SPTA1: variants seen among roughly 807,000 people sequenced by gnomAD.
SPTA1 encodes the protein spectrin alpha chain, erythrocytic 1.
Under a neutral mutation model 324.7 loss-of-function variants are expected in SPTA1, and 177 were observed. That is an observed-to-expected ratio of 0.55 (90% CI 0.48 to 0.62). The LOEUF is 0.62. SPTA1 is among the 20% of genes least tolerant of loss of function. SPTA1 has a pLI of 0.00. For synonymous variants in SPTA1, 1,195 were observed against 1,041.3 expected (o/e 1.15, Z -2.84); for missense variants, 3,162 against 2,883.6 (o/e 1.10, Z -2.21).
chr1:158,642,050 A>G (rs150077069), intron 33 of SPTA1, among the ~76,000 whole-genome samples: 1 of 152,294 alleles, frequency 6.6e-6, no homozygotes, highest in African/African-American at 2.4e-5. Context: ...TCAGCAAAGT[A>G]TCACAAGGAC....
At chr1:158,656,469 T>C in intron 20 of SPTA1, 95 bp downstream of exon 20, 2 of 1,115,206 alleles carry the variant, frequency 1.8e-6, no homozygotes, top group Non-Finnish European at 2.7e-6. Context: ...GCCATTGTTT[T>C]TGGGGTTGTA....
intron 38 of SPTA1, among the ~76,000 whole-genome samples, chr1:158,635,545 G>A (rs984968866): frequency 1.3e-5 from 2 of 152,128 alleles, no homozygotes; most frequent in African/African-American, 4.8e-5. Context: ...TGGCTATAGG[G>A]AAAAATAATT....
chr1:158,684,229 G>A (rs1286697556), intron 2 of SPTA1, among the ~76,000 whole-genome samples: 1 of 151,958 alleles, frequency 6.6e-6, no homozygotes, highest in Non-Finnish European at 1.5e-5. Context: ...ATTAGAACTT[G>A]AGACCCATGA....
chr1:158,681,716 G>T, intron 3 of SPTA1, 49 bp from the exon 4 acceptor site: 1 of 1,612,344 alleles, frequency 6.2e-7, no homozygotes, highest in East Asian at 2.2e-5. Context: ...CTGGGAGCAG[G>T]GAAACACTCA....
intron 25 of SPTA1, 26 bp from the exon 26 acceptor site, chr1:158,648,679 C>A (rs768547929): frequency 8.1e-6 from 13 of 1,612,406 alleles, no homozygotes; most frequent in Non-Finnish European, 1.0e-5. Context: ...GTAGAGAGTT[C>A]AAAAGTAAGG....
Position 158,622,967 on chromosome 1 carries a change from C to T in SPTA1, c.6120+16G>A, listed in dbSNP as rs750142236. 4 of 1,608,756 alleles carry T rather than the reference C, an allele frequency of 2.5e-6. No homozygotes were observed. Among genetic ancestry groups the T allele is most frequent in the Non-Finnish European group, 3.4e-6 (4 of 1,175,306 alleles). On this transcript the variant is annotated intron_variant, in intron 43 of 51. Coordinates refer to ENST00000643759, the MANE Select transcript of SPTA1 (RefSeq NM_003126.4). ...AGGTAACAGAGAACTGATCATGCCTCATAATTTTTTTAAACCTTCTGTAGA... is the reference window on the plus strand; with the variant it reads ...AGGTAACAGAGAACTGATCATGCCTTATAATTTTTTTAAACCTTCTGTAGA...
chr1:158,616,193 C>A (rs1322354761), intron 47 of SPTA1, among the ~76,000 whole-genome samples: 1 of 151,982 alleles, frequency 6.6e-6, no homozygotes, highest in African/African-American at 2.4e-5. Context: ...TTGTAAAGAT[C>A]AAATCAGTAT....
chr1:158,622,326 T>A (rs1649966744), intron 43 of SPTA1, among the ~76,000 whole-genome samples: 1 of 152,028 alleles, frequency 6.6e-6, no homozygotes, highest in African/African-American at 2.4e-5. Context: ...ATATTTATTA[T>A]GTATTATTAA....
chr1:158,620,135 TAGTGAA>T (rs760110475), intron 44 of SPTA1, 29 bp downstream of exon 44: 5 of 1,611,940 alleles, frequency 3.1e-6, no homozygotes, highest in Middle Eastern at 1.7e-4. Context: ...ATGTTCACTG[TAGTGAA>T]AGGAAGTTTC....
chr1:158,661,274 C>G lies in SPTA1; in HGVS notation c.2587+13G>C. The stretch of plus-strand genomic sequence containing the variant: ...GGTGATGTTTTGTCCAACTGAATCT[C>G]AATCATACATACCTTCCTCTACCAT... On this transcript the variant is annotated intron_variant, in intron 18 of 51. Transcript: ENST00000643759. 6.2e-7 allele frequency: 1 copy of G among 1,613,836 alleles called. No homozygotes were observed. The highest frequency in any genetic ancestry group is 8.5e-7 in the Non-Finnish European group (1 of 1,179,798).
rs1571536580 is a variant in SPTA1 at position 158,683,357 on chromosome 1, G to T, written c.390+14C>A. On this transcript the variant is annotated intron_variant, in intron 3 of 51. Transcript: ENST00000643759. ...TCAATAATTGGAAACTTCTTCAAGGGCCCATACATATACCTTCGTTTCTTC... is the reference window on the plus strand; with the variant it reads ...TCAATAATTGGAAACTTCTTCAAGGTCCCATACATATACCTTCGTTTCTTC... The T allele has an allele frequency of 6.2e-7, 1 of 1,612,950 alleles. No homozygotes were observed. The highest frequency in any genetic ancestry group is 8.5e-7 in the Non-Finnish European group (1 of 1,179,240).
intron 33 of SPTA1, among the ~76,000 whole-genome samples, chr1:158,641,987 T>C (rs1030440850): frequency 5.3e-5 from 8 of 152,230 alleles, no homozygotes; most frequent in African/African-American, 1.9e-4. Context: ...GCCATAAAAA[T>C]GATGAGTTCA....
At position 158,611,323 on chromosome 1, in the gene SPTA1, G is replaced by C; in HGVS notation, c.7201C>G (p.Arg2401Gly). The change falls in exon 52 of 52, where the codon CGA becomes GGA. Residue 2401 changes from arginine (R) to glycine (G), a missense_variant. Physicochemically the swap from Arg to Gly is moderately radical, Grantham distance 125. Transcript: ENST00000643759. Reference protein sequence around the residue: ...HMQQYMDPRGRSHLSGYDYVG... With the variant: ...HMQQYMDPRGGSHLSGYDYVG... ...TAGTCATAGCCAGAGAGATGGCTTC[G>C]ACCCCGTGGGTCCATATATTGCTGC... is the stretch of plus-strand genomic sequence containing the variant. 6.2e-7 allele frequency: 1 copy of C among 1,613,748 alleles called. No individual in the cohort carries two copies. Among genetic ancestry groups the C allele is most frequent in the Non-Finnish European group, 8.5e-7 (1 of 1,179,790 alleles).
chr1:158,674,252 A>T, intron 10 of SPTA1, 77 bp downstream of exon 10: 1 of 1,382,058 alleles, frequency 7.2e-7, no homozygotes, highest in East Asian at 2.3e-5. Context: ...CCATTTAGAG[A>T]TTATCATATT....
At chr1:158,667,752 T>C in intron 15 of SPTA1, 106 bp downstream of exon 15, 1 of 1,219,510 alleles carries the variant, frequency 8.2e-7, no homozygotes, top group Non-Finnish European at 1.2e-6. Context: ...AAATGAGTAG[T>C]ATACCTTCTC....
chr1:158,622,938 A>G (rs769299944), intron 43 of SPTA1, 45 bp downstream of exon 43: 7 of 1,517,624 alleles, frequency 4.6e-6, no homozygotes, highest in Admixed American at 1.7e-5. Context: ...CATGGCTAAT[A>G]TACAGGTAAC....
At chr1:158,639,847 C>T (rs1651401189) in intron 34 of SPTA1, 23 bp downstream of exon 34, 1 of 1,613,812 alleles carries the variant, frequency 6.2e-7, no homozygotes, top group African/African-American at 1.3e-5. Context: ...TCTTGTGTCT[C>T]TACTGTTTCC....
At chr1:158,644,842 A>T (rs2101836218) in intron 29 of SPTA1, among the ~76,000 whole-genome samples, 1 of 152,332 alleles carries the variant, frequency 6.6e-6, no homozygotes, top group South Asian at 2.1e-4. Context: ...CTATTTAAGA[A>T]ATGGGAAACT....
At position 158,623,047 on chromosome 1, in the gene SPTA1, T is replaced by C. The variant is rs1235949524; in HGVS notation, c.6056A>G (p.Gln2019Arg). The change falls in exon 43 of 52, where the codon CAG becomes CGG. Residue 2019 changes from glutamine to arginine, a missense_variant. By Grantham distance (43) the Gln-to-Arg change is conservative. Transcript: ENST00000643759. ...RYAALLKRWE[Q>R]LLEASAVHRQ... Reference sequence around the variant, plus strand: ...GTGGACTGCCGAGGCTTCCAGCAACTGTTCCCAGCGCTTCAGCAGAGCGGC... The same window carrying C: ...GTGGACTGCCGAGGCTTCCAGCAACCGTTCCCAGCGCTTCAGCAGAGCGGC... The C allele has an allele frequency of 6.2e-7, 1 of 1,614,198 alleles. No individual in the cohort carries two copies. The highest frequency in any genetic ancestry group is 2.2e-5 in the East Asian group (1 of 44,880).
Sources: allele counts gnomAD v4.1 joint callset (sites outside exome capture counted in the v4.1 genomes callset), GRCh38; gene constraint gnomAD v4.1.1; transcripts MANE v1.5; gene names NCBI Gene and HGNC (gene_info 2026-07-23, HGNC 2026-07-21).